The following PIK3R5 variants were observed in gnomAD, a reference collection of about 807,000 sequenced individuals.
The protein encoded by PIK3R5 is phosphoinositide 3-kinase regulatory subunit 5.
Under a neutral mutation model 94.9 loss-of-function variants are expected in PIK3R5, and 32 were observed. The observed-to-expected ratio is 0.34, with a 90% CI of 0.25 to 0.45. The LOEUF is 0.45. Ranked by LOEUF, PIK3R5 falls within the 20% of genes least tolerant of loss-of-function variation. The pLI is 1.00. For missense variants in PIK3R5, 853 were observed against 1,144.6 expected, an observed-to-expected ratio of 0.75 and a Z score of 3.68; for synonymous variants, 443 against 479.4, an observed-to-expected ratio of 0.92 and a Z score of 0.99.
chr17:8,957,672 C>T (rs1289178348), intron 1 of PIK3R5, among the ~76,000 whole-genome samples: 4 of 152,110 alleles, frequency 2.6e-5, no homozygotes, highest in African/African-American at 9.7e-5. Context: ...AAGTAAGGAC[C>T]CATGGGACCT....
chr17:8,893,991 G>C lies in PIK3R5; in HGVS notation c.413-336C>G, dbSNP rs1430711276. The C allele has an allele frequency of 5.0e-6, 1 of 201,276 alleles. No homozygotes were observed. Among genetic ancestry groups the C allele is most frequent in the African/African-American group, 2.3e-5 (1 of 43,060 alleles). 12.5% of individuals were successfully genotyped at this position (201,276 alleles called of 1,614,324 possible). A position where few individuals can be genotyped will look rare whatever the true frequency, so the allele number is the denominator to read the frequency against. ...CTTGTGGCTCAGGTCCCGGCTCCAG[G>C]CTTGGAGGCAGCCTAGCTGGAGAGA... On this transcript the variant is annotated intron_variant, in intron 5 of 18. Transcript: ENST00000447110. This position sits in a 1 kb window ranked among gnomAD's most constrained non-coding sequence, Gnocchi z 5.1.
chr17:8,931,515 C>T (rs1373306482), intron 1 of PIK3R5, among the ~76,000 whole-genome samples: 1 of 152,160 alleles, frequency 6.6e-6, no homozygotes, highest in Non-Finnish European at 1.5e-5. Context: ...CTGGAAGGCA[C>T]TTCCGTTGTT....
chr17:8,885,002 G>A (rs769055868), intron 14 of PIK3R5: 15 of 552,258 alleles, frequency 2.7e-5, no homozygotes, highest in South Asian at 6.2e-5. Flanking sequence ...GCCCATCTCC[G>A]CTGTGATCAC....
chr17:8,928,555 T>C (rs1326915627), intron 1 of PIK3R5, among the ~76,000 whole-genome samples: 1 of 152,154 alleles, frequency 6.6e-6, no homozygotes, highest in Non-Finnish European at 1.5e-5. Flanking sequence ...TGAATGACAG[T>C]GTACTTTTCA....
In PIK3R5 at chr17:8,884,727, G is replaced by T; in HGVS notation, c.2185C>A (p.Leu729Ile). ...CTTACCTTGCTGTAAATAATCTGTA[G>T]TGTTAGAGGAACAGCCTCCCGGTCG... ...DGDREAVPLT[L>I]QIIYSKGAIS... The change falls in exon 15 of 19, where the codon CTA becomes ATA. Residue 729 changes from leucine (L) to isoleucine (I), a missense_variant. Leu to Ile is a conservative substitution (Grantham distance 5). This residue lies in a region of PIK3R5 where 173 missense variants were observed against 274.1 expected (regional missense o/e 0.63). Coordinates refer to ENST00000447110, the MANE Select transcript of PIK3R5 (RefSeq NM_001142633.3). This position sits in a 1 kb window ranked among gnomAD's most constrained non-coding sequence, Gnocchi z 5.8. 6.2e-7 allele frequency: 1 copy of T among 1,613,140 alleles called. No homozygotes were observed. Among genetic ancestry groups the T allele is most frequent in the Non-Finnish European group, 8.5e-7 (1 of 1,179,344 alleles).
chr17:8,910,661 A>G (rs1379343769), intron 2 of PIK3R5, among the ~76,000 whole-genome samples: 1 of 152,206 alleles, frequency 6.6e-6, no homozygotes, highest in Admixed American at 6.5e-5. Flanking sequence ...AGCCTCTCAG[A>G]GGAAGCGACA....
At chr17:8,956,406 C>A (rs2091467472) in intron 1 of PIK3R5, among the ~76,000 whole-genome samples, 1 of 152,066 alleles carries the variant, frequency 6.6e-6, no homozygotes, top group African/African-American at 2.4e-5. Flanking sequence ...AGGAGCAGGT[C>A]CCCTCTCTGC....
chr17:8,932,769 T>C (rs965093496), intron 1 of PIK3R5, among the ~76,000 whole-genome samples: 190 of 152,212 alleles, frequency 1.2e-3, no homozygotes, highest in African/African-American at 4.5e-3. Flanking sequence ...CTAATAGATA[T>C]GTAATTGATG....
chr17:8,965,131 A>C (rs2091645294), intron 1 of PIK3R5, among the ~76,000 whole-genome samples: 1 of 152,222 alleles, frequency 6.6e-6, no homozygotes, highest in African/African-American at 2.4e-5. Context: ...AAGGCTGGCT[A>C]ACTAGCAGGC....
chr17:8,958,109 G>T (rs1201256325), intron 1 of PIK3R5, among the ~76,000 whole-genome samples: 1 of 152,052 alleles, frequency 6.6e-6, no homozygotes, highest in Non-Finnish European at 1.5e-5. Flanking sequence ...CCAGGAGTTC[G>T]AGAGCAGCCT....
intron 1 of PIK3R5, among the ~76,000 whole-genome samples, chr17:8,954,009 A>G (rs938587281): frequency 2.2e-4 from 34 of 151,924 alleles, no homozygotes; most frequent in African/African-American, 8.2e-4. Flanking sequence ...GCTCCTGGGG[A>G]GTAATTTCCA....
At chr17:8,926,256 G>T (rs987804390) in intron 1 of PIK3R5, among the ~76,000 whole-genome samples, 1 of 152,106 alleles carries the variant, frequency 6.6e-6, no homozygotes, top group Non-Finnish European at 1.5e-5. Context: ...AAGACCAAAT[G>T]GAATGGGCTA....
rs1246061150 is a variant in PIK3R5 at position 8,888,044 on chromosome 17, T to TAAC, written c.1616+126_1616+127insGTT. The TAAC allele has an allele frequency of 3.5e-6, 1 of 282,348 alleles. No homozygotes were observed. Among genetic ancestry groups the TAAC allele is most frequent in the Non-Finnish European group, 6.3e-6 (1 of 159,744 alleles). 17.5% of individuals were successfully genotyped at this position (282,348 alleles called of 1,614,324 possible). On this transcript the variant is annotated intron_variant, in intron 10 of 18. Transcript: ENST00000447110. This position sits in a 1 kb window ranked among gnomAD's most constrained non-coding sequence, Gnocchi z 7.8. The stretch of plus-strand genomic sequence containing the variant: ...ATAATAATAATAATAATAATAATAA[T>TAAC]AATAAAATAAAAATAAATAAGGGAA...
chr17:8,920,042 C>T (rs2090708066), intron 1 of PIK3R5, among the ~76,000 whole-genome samples: 1 of 151,910 alleles, frequency 6.6e-6, no homozygotes, highest in Non-Finnish European at 1.5e-5. Context: ...CACCACCATA[C>T]CAGGCTAATT....
At chr17:8,956,583 C>A (rs1301461660) in intron 1 of PIK3R5, among the ~76,000 whole-genome samples, 1 of 152,238 alleles carries the variant, frequency 6.6e-6, no homozygotes, top group East Asian at 1.9e-4. Context: ...TATTCCCATC[C>A]TGTAGCCCGT....
intron 1 of PIK3R5, among the ~76,000 whole-genome samples, chr17:8,959,488 T>C (rs1773565159): frequency 6.6e-6 from 1 of 152,110 alleles, no homozygotes; most frequent in Non-Finnish European, 1.5e-5. Flanking sequence ...ACGAGAGAGA[T>C]GATCTTTCGC....
intron 5 of PIK3R5, among the ~76,000 whole-genome samples, chr17:8,903,036 G>T (rs1387295293): frequency 1.3e-5 from 2 of 151,676 alleles, no homozygotes; most frequent in Admixed American, 6.6e-5. Flanking sequence ...GTAGAGATGG[G>T]GTTTCACCAT....
intron 6 of PIK3R5, 139 bp from the exon 7 acceptor site, chr17:8,891,051 C>A: frequency 1.4e-6 from 1 of 739,702 alleles, no homozygotes. Flanking sequence ...GAGGAGGTGA[C>A]CACAGGAGGC....
intron 1 of PIK3R5, among the ~76,000 whole-genome samples, chr17:8,932,130 G>A (rs542043397): frequency 2.0e-5 from 3 of 152,176 alleles, no homozygotes; most frequent in African/African-American, 4.8e-5. Context: ...GAAATTAGGA[G>A]GCAAAGACTT....
Sources: allele counts gnomAD v4.1 joint callset (sites outside exome capture counted in the v4.1 genomes callset), GRCh38; gene constraint gnomAD v4.1.1; regional missense constraint gnomAD v4.1.1; non-coding constraint Gnocchi (gnomAD v3.1); transcripts MANE v1.5; gene names NCBI Gene and HGNC (gene_info 2026-07-23, HGNC 2026-07-21).